Variants in RBFOX1 observed in about 807,000 individuals in gnomAD.
RBFOX1 encodes RNA binding fox-1 homolog 1.
A neutral mutation model predicts 57.7 loss-of-function variants in RBFOX1; 8 were observed. The ratio of observed to expected loss-of-function variants is 0.14; its 90% CI spans 0.08 to 0.25. The LOEUF (loss-of-function observed/expected upper bound fraction) is 0.25, where lower values mean the gene tolerates loss of function less well. Ranked by LOEUF, RBFOX1 falls within the 10% of genes least tolerant of loss-of-function variation. RBFOX1 has a pLI of 1.00. For synonymous variants in RBFOX1, 326 were observed against 222.4 expected (o/e 1.47, Z -4.15); for missense variants, 611 against 548.5 (o/e 1.11, Z -1.14).
At chr16:5,804,757 C>T (rs973098854) in intron 3 of RBFOX1, among the ~76,000 whole-genome samples, 7 of 152,180 alleles carry the variant, frequency 4.6e-5, no homozygotes, top group Non-Finnish European at 1.0e-4. Flanking sequence ...GCTGCCTGGC[C>T]TTGAGTCCTA....
intron 14 of RBFOX1, among the ~76,000 whole-genome samples, chr16:7,706,933 G>A (rs1254431542): frequency 3.3e-5 from 5 of 152,134 alleles, no homozygotes; most frequent in African/African-American, 4.8e-5. Flanking sequence ...TAACACATCT[G>A]CCCTTGGACC....
intron 2 of RBFOX1, among the ~76,000 whole-genome samples, chr16:5,562,608 G>T (rs898804971): frequency 2.6e-5 from 4 of 152,118 alleles, no homozygotes; most frequent in Non-Finnish European, 5.9e-5. Context: ...TAGAAATGGG[G>T]TTCCTCCAAC....
At chr16:5,583,320 C>A (rs999516615) in intron 2 of RBFOX1, among the ~76,000 whole-genome samples, 1 of 152,158 alleles carries the variant, frequency 6.6e-6, no homozygotes, top group African/African-American at 2.4e-5. Flanking sequence ...AGGCAGACAA[C>A]AATGAAAAGC....
intron 3 of RBFOX1, among the ~76,000 whole-genome samples, chr16:6,766,190 G>A (rs1033948453): frequency 1.3e-4 from 19 of 151,758 alleles, no homozygotes; most frequent in Non-Finnish European, 2.6e-4. Context: ...GAAAAAAAAA[G>A]ACATGAATAA....
intron 1 of RBFOX1, among the ~76,000 whole-genome samples, chr16:6,140,860 C>G (rs866704267): frequency 6.6e-6 from 1 of 152,198 alleles, no homozygotes; most frequent in African/African-American, 2.4e-5. Flanking sequence ...TCTCTGGTCA[C>G]CCATTTACTA....
chr16:7,076,919 C>A (rs1220547597), intron 4 of RBFOX1, among the ~76,000 whole-genome samples: 3 of 152,182 alleles, frequency 2.0e-5, no homozygotes, highest in Admixed American at 1.3e-4. Context: ...TAGTTAAACA[C>A]TTACTTTCTA....
intron 1 of RBFOX1, among the ~76,000 whole-genome samples, chr16:6,096,475 T>C (rs569316135): frequency 1.3e-5 from 2 of 152,290 alleles, no homozygotes; most frequent in East Asian, 1.9e-4. Flanking sequence ...ATATCCCCTG[T>C]AGAACTTTGC....
intron 1 of RBFOX1, among the ~76,000 whole-genome samples, chr16:6,216,399 G>C (rs541126045): frequency 5.9e-5 from 9 of 152,246 alleles, no homozygotes; most frequent in Admixed American, 3.9e-4. Flanking sequence ...CCATCACGAT[G>C]GCTGAAAGAA....
chr16:6,918,402 C>A (rs1214832991), intron 3 of RBFOX1, among the ~76,000 whole-genome samples: 1 of 151,986 alleles, frequency 6.6e-6, no homozygotes, highest in Non-Finnish European at 1.5e-5. Flanking sequence ...GATTCTGGGG[C>A]CCACTAATAT....
chr16:6,134,082 G>A (rs2096648820), intron 1 of RBFOX1, among the ~76,000 whole-genome samples: 2 of 152,010 alleles, frequency 1.3e-5, no homozygotes, highest in East Asian at 1.9e-4. Context: ...GATTACAGAT[G>A]TATGCCACCA....
chr16:6,538,493 A>C (rs920215383), intron 2 of RBFOX1, among the ~76,000 whole-genome samples: 14 of 152,170 alleles, frequency 9.2e-5, no homozygotes, highest in Admixed American at 7.9e-4. Flanking sequence ...CTGTATCTCA[A>C]AACAAAAAAG....
At chr16:5,531,042 G>A (rs888876107) in intron 2 of RBFOX1, among the ~76,000 whole-genome samples, 4 of 151,564 alleles carry the variant, frequency 2.6e-5, no homozygotes, top group African/African-American at 4.8e-5. Flanking sequence ...GGAGAATGGC[G>A]TGAGCCAGGG....
In RBFOX1 at chr16:6,899,916, A is replaced by T. The variant is rs181819423; in HGVS notation, c.-15-152141A>T. Reference sequence around the variant, plus strand: ...GAGAGATTTTTTTGCCCATGTTCTGACCATAACCATTTGAACTATGTTTAG... The same window carrying T: ...GAGAGATTTTTTTGCCCATGTTCTGTCCATAACCATTTGAACTATGTTTAG... On this transcript the variant is annotated intron_variant, in intron 3 of 15. Transcript: ENST00000550418. 2.5e-3 allele frequency among the ~76,000 whole-genome samples: 377 copies of T among 152,294 alleles called. 4 individuals carry two copies. The highest frequency in any genetic ancestry group is 6.5e-4 in the Non-Finnish European group (44 of 68,024).
intron 2 of RBFOX1, among the ~76,000 whole-genome samples, chr16:6,470,525 A>G (rs547564440): frequency 6.6e-6 from 1 of 152,308 alleles, no homozygotes; most frequent in Non-Finnish European, 1.5e-5. Context: ...GATGACCTTC[A>G]GCTCTCTATG....
intron 4 of RBFOX1, among the ~76,000 whole-genome samples, chr16:7,459,602 T>C (rs1032882259): frequency 6.6e-6 from 1 of 152,182 alleles, no homozygotes. Context: ...ATTCACCTTA[T>C]ATTGCGGGGG....
chr16:5,722,946 C>A (rs1419704346), intron 3 of RBFOX1, among the ~76,000 whole-genome samples: 1 of 152,126 alleles, frequency 6.6e-6, no homozygotes, highest in Non-Finnish European at 1.5e-5. Context: ...TTTGGTGTTT[C>A]CTTCCTCATA....
intron 11 of RBFOX1, 77 bp from the exon 12 acceptor site, chr16:7,653,738 C>T (rs917019207): frequency 1.2e-5 from 19 of 1,588,188 alleles, no homozygotes; most frequent in Non-Finnish European, 1.6e-5. Flanking sequence ...ACAAGGGTTC[C>T]CGGGGCAGTT....
At chr16:5,362,483 C>T (rs1023474128) in intron 1 of RBFOX1, among the ~76,000 whole-genome samples, 22 of 152,242 alleles carry the variant, frequency 1.4e-4, no homozygotes, top group African/African-American at 5.3e-4. Context: ...CTGCCTCAGT[C>T]TCCCGAGTAG....
At chr16:7,411,033 C>T (rs1016236263) in intron 4 of RBFOX1, among the ~76,000 whole-genome samples, 1 of 152,078 alleles carries the variant, frequency 6.6e-6, no homozygotes, top group Admixed American at 6.6e-5. Context: ...GCACCCTCTG[C>T]CTCTTGAGTT....
Sources: allele counts gnomAD v4.1 joint callset (sites outside exome capture counted in the v4.1 genomes callset), GRCh38; gene constraint gnomAD v4.1.1; transcripts MANE v1.5; gene names NCBI Gene and HGNC (gene_info 2026-07-23, HGNC 2026-07-21).